The following NELL2 variants were observed in gnomAD, a reference collection of about 807,000 sequenced individuals.
The protein encoded by NELL2 is protein kinase C-binding protein NELL2.
In NELL2, 41 loss-of-function variants were observed where a neutral mutation model predicts 109.6. That is an observed-to-expected ratio of 0.37 (90% CI 0.29 to 0.49). The LOEUF (loss-of-function observed/expected upper bound fraction) is 0.49, where lower values mean the gene tolerates loss of function less well. Among genes scored for constraint, NELL2 ranks in the 20% least tolerant of loss-of-function variants. The pLI is 0.98. For missense variants in NELL2, 900 were observed against 1,008.3 expected, an observed-to-expected ratio of 0.89 and a Z score of 1.45; for synonymous variants, 355 against 344.7, an observed-to-expected ratio of 1.03 and a Z score of -0.33.
At chr12:44,859,796 C>T (rs375113951) in intron 2 of NELL2, among the ~76,000 whole-genome samples, 11 of 152,280 alleles carry the variant, frequency 7.2e-5, no homozygotes, top group East Asian at 3.9e-4. Context: ...TCAGCCATGA[C>T]ACTGAAAGTC....
At chr12:44,862,135 T>C (rs1175008443) in intron 2 of NELL2, among the ~76,000 whole-genome samples, 3 of 152,154 alleles carry the variant, frequency 2.0e-5, no homozygotes, top group East Asian at 3.9e-4. Context: ...ATCAGGAAAA[T>C]AATAAGAGAT....
chr12:44,742,380 G>A (rs950294312), intron 9 of NELL2, among the ~76,000 whole-genome samples: 7 of 152,156 alleles, frequency 4.6e-5, no homozygotes, highest in Non-Finnish European at 8.8e-5. Flanking sequence ...CAGAAAAACT[G>A]GAAACTAAAA....
intron 18 of NELL2, among the ~76,000 whole-genome samples, chr12:44,521,703 T>C (rs952619606): frequency 6.6e-6 from 1 of 152,018 alleles, no homozygotes; most frequent in African/African-American, 2.4e-5. Flanking sequence ...CTAAACAGGA[T>C]AGGAATGGGG....
chr12:44,776,353 G>T (rs1354432816), intron 7 of NELL2, among the ~76,000 whole-genome samples: 1 of 151,976 alleles, frequency 6.6e-6, no homozygotes, highest in Non-Finnish European at 1.5e-5. Flanking sequence ...TGATAAATTT[G>T]CTCCCTGCCT....
intron 12 of NELL2, among the ~76,000 whole-genome samples, chr12:44,677,309 T>G (rs894263119): frequency 1.3e-5 from 2 of 152,072 alleles, no homozygotes; most frequent in African/African-American, 4.8e-5. Flanking sequence ...ATCACTGAAG[T>G]TTTTTAAATT....
At chr12:44,624,761 G>A (rs1159550677) in intron 13 of NELL2, among the ~76,000 whole-genome samples, 3 of 150,418 alleles carry the variant, frequency 2.0e-5, no homozygotes, top group Non-Finnish European at 3.0e-5. Flanking sequence ...TCAAGTTGAC[G>A]GTGACTCACT....
intron 3 of NELL2, among the ~76,000 whole-genome samples, chr12:44,811,506 G>A (rs1336085955): frequency 6.6e-6 from 1 of 151,992 alleles, no homozygotes; most frequent in Non-Finnish European, 1.5e-5. Flanking sequence ...GTACGTGCCG[G>A]ATTTGAACAA....
chr12:44,912,443 C>A (rs1267046815), intron 1 of NELL2, among the ~76,000 whole-genome samples: 1 of 152,096 alleles, frequency 6.6e-6, no homozygotes, highest in Admixed American at 6.6e-5. Context: ...TATACTAATA[C>A]ACACTGAAAA....
intron 11 of NELL2, among the ~76,000 whole-genome samples, chr12:44,704,917 G>A (rs1176052704): frequency 6.6e-6 from 1 of 151,730 alleles, no homozygotes; most frequent in African/African-American, 2.4e-5. Flanking sequence ...TACTCTGGAG[G>A]CTGAGGCAGG....
rs184594484 is a variant in NELL2 at position 44,742,865 on chromosome 12, G to C, written c.995-28124C>G. ...GTGACGGGGAGAATGGAACCAAGTT[G>C]GAAAACACGATGCAGGATATTATCC... On this transcript the variant is annotated intron_variant, in intron 9 of 19. Transcript: ENST00000429094. Among the ~76,000 whole-genome samples, 774 of 152,268 alleles carry C rather than the reference G, an allele frequency of 5.1e-3. 6 individuals are homozygous for C. The highest frequency in any genetic ancestry group is 0.018 in the African/African-American group (727 of 41,542).
intron 9 of NELL2, among the ~76,000 whole-genome samples, chr12:44,738,776 T>C (rs1939784551): frequency 6.6e-6 from 1 of 152,206 alleles, no homozygotes; most frequent in East Asian, 1.9e-4. Context: ...TAATAACGTA[T>C]TGTATACTTG....
At chr12:44,563,835 C>T (rs11182540) in intron 15 of NELL2, among the ~76,000 whole-genome samples, 5,320 of 152,120 alleles carry the variant, frequency 0.035, 334 homozygotes, top group African/African-American at 0.12. Flanking sequence ...AGGTTAATGC[C>T]GCAGATATTA....
intron 9 of NELL2, among the ~76,000 whole-genome samples, chr12:44,728,826 G>A (rs921409242): frequency 4.6e-5 from 7 of 152,078 alleles, no homozygotes; most frequent in Non-Finnish European, 7.4e-5. Flanking sequence ...GTACAATGAC[G>A]TATTTAAAGT....
At chr12:44,739,871 C>T (rs1939856196) in intron 9 of NELL2, among the ~76,000 whole-genome samples, 2 of 152,094 alleles carry the variant, frequency 1.3e-5, no homozygotes, top group Admixed American at 1.3e-4. Flanking sequence ...GCATGGGTGA[C>T]ACAGCAAGAC....
chr12:44,906,086 C>A (rs1277968799), intron 1 of NELL2, among the ~76,000 whole-genome samples: 3 of 151,870 alleles, frequency 2.0e-5, no homozygotes, highest in African/African-American at 7.3e-5. Flanking sequence ...AATGGTCTCA[C>A]AAAGATTGGC....
intron 9 of NELL2, among the ~76,000 whole-genome samples, chr12:44,771,339 G>T (rs75915651): frequency 0.23 from 34,258 of 147,736 alleles, 4,121 homozygotes; most frequent in South Asian, 0.28. Context: ...ATAACAGATG[G>T]TTTTTTTAAA....
intron 15 of NELL2, among the ~76,000 whole-genome samples, chr12:44,558,382 G>A (rs561098479): frequency 6.6e-6 from 1 of 152,232 alleles, no homozygotes; most frequent in African/African-American, 2.4e-5. Flanking sequence ...TGGCCAAATA[G>A]GAACAGCTCT....
intron 13 of NELL2, among the ~76,000 whole-genome samples, chr12:44,649,289 T>C (rs1457254117): frequency 1.3e-5 from 2 of 150,864 alleles, no homozygotes; most frequent in Non-Finnish European, 3.0e-5. Flanking sequence ...CACCTCTCTG[T>C]TTTGGAAACA....
At chr12:44,869,072 C>T (rs1486568612) in intron 2 of NELL2, among the ~76,000 whole-genome samples, 1 of 152,082 alleles carries the variant, frequency 6.6e-6, no homozygotes, top group Non-Finnish European at 1.5e-5. Flanking sequence ...ATCTCATCAT[C>T]CAAATCATCT....
Sources: gnomAD v4.1 joint callset for allele counts (sites outside exome capture counted in the v4.1 genomes callset) on GRCh38, gnomAD v4.1.1 for gene constraint, MANE v1.5 for transcripts, NCBI Gene and HGNC (gene_info 2026-07-23, HGNC 2026-07-21) for gene names.